SACS: variants seen among roughly 807,000 people sequenced by gnomAD.
SACS encodes the protein sacsin molecular chaperone.
A neutral mutation model predicts 348.0 loss-of-function variants in SACS; 197 were observed. The ratio of observed to expected loss-of-function variants is 0.57; its 90% CI spans 0.50 to 0.64. SACS has a LOEUF of 0.64. Among genes scored for constraint, SACS ranks in the 30% least tolerant of loss-of-function variants. The pLI is 0.00. For missense variants in SACS, 4,999 were observed against 5,360.8 expected (o/e 0.93, Z 2.11); for synonymous variants, 1,985 against 1,910.6 (o/e 1.04, Z -1.02).
intron 2 of SACS, among the ~76,000 whole-genome samples, chr13:23,389,654 G>A (rs200531299): frequency 4.6e-5 from 7 of 152,130 alleles, no homozygotes; most frequent in East Asian, 3.9e-4. Context: ...AAAAAAGGAC[G>A]GAATACGTGT....
chr13:23,416,286 A>G (rs1384597139), intron 1 of SACS, among the ~76,000 whole-genome samples: 1 of 138,218 alleles, frequency 7.2e-6, no homozygotes, highest in African/African-American at 2.5e-5. Flanking sequence ...ATCTCAAAAA[A>G]GGAATTCATG....
intron 2 of SACS, among the ~76,000 whole-genome samples, chr13:23,406,751 T>TTATA (rs1873237288): frequency 6.6e-6 from 1 of 152,324 alleles, no homozygotes; most frequent in Non-Finnish European, 1.5e-5. Flanking sequence ...ACGTCATCAA[T>TTATA]TATTATTTTT....
intron 2 of SACS, among the ~76,000 whole-genome samples, chr13:23,401,538 T>A (rs1357897477): frequency 3.9e-5 from 6 of 152,246 alleles, no homozygotes; most frequent in Admixed American, 2.6e-4. Flanking sequence ...CATCAGGACT[T>A]CCTGAGGCTA....
At chr13:23,357,199 C>CT (rs932779479) in intron 7 of SACS, among the ~76,000 whole-genome samples, 1 of 152,200 alleles carries the variant, frequency 6.6e-6, no homozygotes, top group African/African-American at 2.4e-5. Flanking sequence ...TTCATTCCTG[C>CT]TTAAGCCTCC....
chr13:23,350,724 C>T (rs1869895051), intron 9 of SACS, among the ~76,000 whole-genome samples: 1 of 152,138 alleles, frequency 6.6e-6, no homozygotes. Flanking sequence ...AGTTACATGT[C>T]TGTGATGCTC....
intron 1 of SACS, chr13:23,427,603 G>T (rs1324332710): frequency 2.0e-5 from 3 of 152,284 alleles, no homozygotes; most frequent in Non-Finnish European, 4.4e-5. Context: ...AACAGGAACA[G>T]CCAGGAGACT....
chr13:23,426,528 T>C (rs9507092), intron 1 of SACS, among the ~76,000 whole-genome samples: 104,377 of 151,762 alleles, frequency 0.69, 37,557 homozygotes, highest in South Asian at 0.88. Context: ...TAATCCCAGC[T>C]ACTCGGGAGG....
At position 23,340,192 on chromosome 13, in the gene SACS, A is replaced by T; in HGVS notation, c.3684T>A (p.Phe1228Leu). The T allele has an allele frequency of 6.2e-7, 1 of 1,612,212 alleles. No individual in the cohort carries two copies. Among genetic ancestry groups the T allele is most frequent in the Non-Finnish European group, 8.5e-7 (1 of 1,178,910 alleles). The part of the protein sequence containing the change: ...KPSLSAVLKH[F>L]KIVVDWYSSK... ...AAGAATACCAATCAACAACAATTTT[A>T]AAGTGTTTTAAGACAGCACTAAGGC... The change falls in exon 10 of 10, where the codon TTT becomes TTA. Residue 1228 changes from phenylalanine to leucine, a missense_variant. Around this residue, in one of 6 missense-constraint regions of SACS, gnomAD observed 3,156 missense variants for 3,380.1 expected, o/e 0.93. Transcript: ENST00000382292.
Position 23,333,387 on chromosome 13 carries a change from A to G in SACS, c.10489T>C (p.Leu3497=). 1.9e-6 allele frequency: 3 copies of G among 1,603,904 alleles called. No individual in the cohort carries two copies. Among genetic ancestry groups the G allele is most frequent in the Non-Finnish European group, 2.6e-6 (3 of 1,176,236 alleles). The change falls in exon 10 of 10, where the codon TTG becomes CTG. Residue 3497 remains leucine (L), a synonymous_variant. Transcript: ENST00000382292. ...GATAATCTATTCTTAAGGTAGATCA[A>G]GTGCTCTAATTTTGCATCATAAGAG... ...NLSYDAKLEH[L]IYLKNRLSSA...
At chr13:23,360,754 C>CTTTTTTT (rs11340654) in intron 6 of SACS, among the ~76,000 whole-genome samples, 1 of 125,330 alleles carries the variant, frequency 8.0e-6, no homozygotes, top group Non-Finnish European at 1.7e-5. Context: ...CTCCAAGGTA[C>CTTTTTTT]TTTTTTTTTT....
At chr13:23,346,927 C>CAGAATAAT in intron 9 of SACS, 1 of 366,806 alleles carries the variant, frequency 2.7e-6, no homozygotes. Flanking sequence ...TCTTAAGATA[C>CAGAATAAT]TGCTGTCTGT....
At position 23,409,040 on chromosome 13, in the gene SACS, C is replaced by CTTTTT. The variant is rs1175897856; in HGVS notation, c.20+2175_20+2179dup. 6.3e-4 allele frequency among the ~76,000 whole-genome samples: 22 copies of CTTTTT among 35,148 alleles called. 2 individuals are homozygous for CTTTTT. Among genetic ancestry groups the CTTTTT allele is most frequent in the African/African-American group, 1.0e-3 (9 of 8,724 alleles). 23.1% of individuals were successfully genotyped at this position (35,148 alleles called of 152,430 possible). ...TATGGTCTTAATAAAACAAGTTTTA[C>CTTTTT]TTTTTTTTTTTTTTTTTTTTTTTTT... On this transcript the variant is annotated intron_variant, in intron 2 of 9. Coordinates refer to ENST00000382292, the MANE Select transcript of SACS (RefSeq NM_014363.6).
At chr13:23,393,104 C>T (rs928081889) in intron 2 of SACS, among the ~76,000 whole-genome samples, 4 of 152,114 alleles carry the variant, frequency 2.6e-5, no homozygotes, top group Admixed American at 6.6e-5. Flanking sequence ...TGCAAAGCCA[C>T]GGCAGGGCCC....
intron 1 of SACS, among the ~76,000 whole-genome samples, chr13:23,432,113 A>G (rs928085550): frequency 6.6e-6 from 1 of 152,210 alleles, no homozygotes; most frequent in Non-Finnish European, 1.5e-5. Context: ...CTGCAGAGTA[A>G]GGATGTGGTA....
At chr13:23,368,270 C>G in intron 5 of SACS, 132 bp downstream of exon 5, 1 of 648,972 alleles carries the variant, frequency 1.5e-6, no homozygotes, top group Non-Finnish European at 2.7e-6. Context: ...ACTGCAGCCA[C>G]AGAGGTATAA....
intron 2 of SACS, among the ~76,000 whole-genome samples, chr13:23,401,788 G>A (rs1298250115): frequency 6.6e-6 from 1 of 152,210 alleles, no homozygotes; most frequent in African/African-American, 2.4e-5. Flanking sequence ...ACCAAAAAGG[G>A]ACTGTCTCAG....
At position 23,339,805 on chromosome 13, in the gene SACS, A is replaced by G; in HGVS notation, c.4071T>C (p.His1357=). The change falls in exon 10 of 10, where the codon CAT becomes CAC. Residue 1357 remains histidine, a synonymous_variant. Coordinates refer to ENST00000382292, the MANE Select transcript of SACS (RefSeq NM_014363.6). ...LSEQESKQNL[H]LMLNIIRWLY... ...GCCATCTGATAATATTCAACATAAG[A>G]TGAAGATTTTGTTTGCTTTCTTGTT... The G allele has an allele frequency of 6.2e-7, 1 of 1,613,338 alleles. No homozygotes were observed. Among genetic ancestry groups the G allele is most frequent in the Non-Finnish European group, 8.5e-7 (1 of 1,179,582 alleles).
intron 4 of SACS, among the ~76,000 whole-genome samples, chr13:23,369,057 C>G (rs1284553714): frequency 6.6e-6 from 1 of 152,150 alleles, no homozygotes; most frequent in Non-Finnish European, 1.5e-5. Flanking sequence ...AATATAATAA[C>G]TATTAATTCA....
chr13:23,350,317 G>A (rs986790142), intron 9 of SACS, among the ~76,000 whole-genome samples: 3 of 152,122 alleles, frequency 2.0e-5, no homozygotes, highest in Non-Finnish European at 4.4e-5. Context: ...TCCGGAAGCT[G>A]GACTATGATA....
Sources: gnomAD v4.1 joint callset for allele counts (sites outside exome capture counted in the v4.1 genomes callset) on GRCh38, gnomAD v4.1.1 for gene constraint, gnomAD v4.1.1 regional missense constraint, MANE v1.5 for transcripts, NCBI Gene and HGNC (gene_info 2026-07-23, HGNC 2026-07-21) for gene names.